N4BP2: variants seen among roughly 807,000 people sequenced by gnomAD.
N4BP2 encodes NEDD4-binding protein 2.
N4BP2 carries 91 observed loss-of-function variants against 152.8 expected under a neutral mutation model. The observed-to-expected ratio is 0.60, with a 90% confidence interval of 0.50 to 0.71. N4BP2 has a LOEUF of 0.71. Among genes scored for constraint, N4BP2 ranks in the 30% least tolerant of loss-of-function variants. The probability of loss-of-function intolerance (pLI) is 0.00; values close to 1 mark genes in which losing one functional copy is unlikely to be tolerated. For synonymous variants in N4BP2, 646 were observed against 705.3 expected (o/e 0.92, Z 1.33); for missense variants, 1,923 against 2,059.1 (o/e 0.93, Z 1.28).
chr4:40,174,895 T>TAAA, the N4BP2 span, among the ~76,000 whole-genome samples: 7 of 133,572 alleles, frequency 5.2e-5, no homozygotes, highest in African/African-American at 1.9e-4. Context: ...TTATTCAGCC[T>TAAA]AAAAAAAAAA....
intron 4 of N4BP2, among the ~76,000 whole-genome samples, chr4:40,104,150 C>T (rs1716004887): frequency 6.6e-6 from 1 of 152,006 alleles, no homozygotes; most frequent in African/African-American, 2.4e-5. Flanking sequence ...GACGGGGTTT[C>T]ACCGTGTTAG....
chr4:40,082,946 T>G (rs551992659), intron 2 of N4BP2: 1 of 191,580 alleles, frequency 5.2e-6, no homozygotes, highest in Non-Finnish European at 1.1e-5. Context: ...GTGATCTGCC[T>G]GCCTCAGCCT....
downstream of N4BP2, among the ~76,000 whole-genome samples, chr4:40,159,895 A>G (rs1721810067): frequency 6.6e-6 from 1 of 151,536 alleles, no homozygotes; most frequent in Non-Finnish European, 1.5e-5. Flanking sequence ...TTTTTTTGAG[A>G]TGGATTCTCA....
intron 16 of N4BP2, among the ~76,000 whole-genome samples, chr4:40,147,509 C>G (rs1388899808): frequency 6.7e-6 from 1 of 149,708 alleles, no homozygotes; most frequent in African/African-American, 2.5e-5. Context: ...GCGCCCCCCA[C>G]CTCCCGGACG....
intron 1 of N4BP2, among the ~76,000 whole-genome samples, chr4:40,057,813 T>G (rs1733334280): frequency 6.6e-6 from 1 of 152,044 alleles, no homozygotes; most frequent in Non-Finnish European, 1.5e-5. Flanking sequence ...AGTAATAGAA[T>G]GTAGATGACA....
chr4:40,122,759 C>T (rs1056606455), intron 9 of N4BP2, among the ~76,000 whole-genome samples: 4 of 152,124 alleles, frequency 2.6e-5, no homozygotes, highest in African/African-American at 7.2e-5. Context: ...CTTAATTGTA[C>T]GGATGAACCT....
intron 11 of N4BP2, 27 bp downstream of exon 11, chr4:40,124,232 G>A: frequency 6.4e-7 from 1 of 1,561,674 alleles, no homozygotes; most frequent in Non-Finnish European, 8.8e-7. Flanking sequence ...TATTTCTAAT[G>A]TCTTAATGTT....
At chr4:40,077,002 C>G (rs181854848) in intron 2 of N4BP2, among the ~76,000 whole-genome samples, 1 of 152,044 alleles carries the variant, frequency 6.6e-6, no homozygotes, top group East Asian at 1.9e-4. Flanking sequence ...TGTAACTTCC[C>G]TATATATTAC....
intron 14 of N4BP2, among the ~76,000 whole-genome samples, chr4:40,140,571 C>T (rs1719824719): frequency 6.6e-6 from 1 of 151,490 alleles, no homozygotes; most frequent in South Asian, 2.1e-4. Context: ...ATTATTTTTG[C>T]ACTTATTCTC....
At chr4:40,183,170 G>A in the N4BP2 span, among the ~76,000 whole-genome samples, 6,365 of 152,018 alleles carry the variant, frequency 0.042, 441 homozygotes, top group African/African-American at 0.14. Context: ...CTTTTTGCAC[G>A]TAACCTTGTA....
At chr4:40,106,843 TAGG>T in intron 4 of N4BP2, 54 bp from the exon 5 acceptor site, 2 of 1,518,030 alleles carry the variant, frequency 1.3e-6, no homozygotes, top group Non-Finnish European at 1.8e-6. Flanking sequence ...TTGGAAAAAT[TAGG>T]AGAGAAAATT....
rs1221314746 is a variant in N4BP2, at chr4:40,092,008, TTATATATATATA to T, written c.-114-5192_-114-5181del. 4.5e-3 allele frequency among the ~76,000 whole-genome samples: 122 copies of T among 27,196 alleles called. 1 individual carries two copies. Among genetic ancestry groups the T allele is most frequent in the South Asian group, 0.011 (5 of 454 alleles). 17.8% of individuals were successfully genotyped at this position (27,196 alleles called of 152,430 possible). Reference sequence around the variant, plus strand: ...AAAAAAAAAAAAAAAAAAAAAAAAATTATATATATATATATATATATATATATATATATATAT... The same window carrying T: ...AAAAAAAAAAAAAAAAAAAAAAAAATTATATATATATATATATATATATAT... On this transcript the variant is annotated intron_variant, in intron 2 of 17. Coordinates refer to ENST00000261435, the MANE Select transcript of N4BP2 (RefSeq NM_018177.6).
chr4:40,117,339 A>G (rs578115751), intron 7 of N4BP2, among the ~76,000 whole-genome samples: 4 of 152,304 alleles, frequency 2.6e-5, no homozygotes, highest in Admixed American at 1.3e-4. Context: ...GATTTGCCCA[A>G]CTGGCAAATG....
In N4BP2 at chr4:40,123,435, G is replaced by A. The variant is rs568838169; in HGVS notation, c.4284+223G>A. Among the ~76,000 whole-genome samples, 5 of 152,096 alleles carry A rather than the reference G, an allele frequency of 3.3e-5. No homozygotes were observed. The East Asian group carries it at 9.7e-4, about 29-fold the overall frequency. On this transcript the variant is annotated intron_variant, in intron 10 of 17. Coordinates refer to ENST00000261435, the MANE Select transcript of N4BP2 (RefSeq NM_018177.6). ...TCAGTAGTTTAAGTATTTCCAGACA[G>A]CCAAATTATATAATTAGCGATGGAG...
At chr4:40,151,791 G>T (rs1721176092) in intron 16 of N4BP2, among the ~76,000 whole-genome samples, 1 of 152,182 alleles carries the variant, frequency 6.6e-6, no homozygotes, top group Admixed American at 6.5e-5. Flanking sequence ...GGAGATCATA[G>T]ACAAGGAATT....
chr4:40,067,054 C>CTTTTTTT (rs34768159), intron 1 of N4BP2, among the ~76,000 whole-genome samples: 2 of 91,620 alleles, frequency 2.2e-5, no homozygotes, highest in African/African-American at 4.2e-5. Flanking sequence ...ACCTAATTTC[C>CTTTTTTT]TTTTTTTTTT....
intron 2 of N4BP2, among the ~76,000 whole-genome samples, chr4:40,092,009 T>TAAA (rs1560584824): frequency 1.4e-3 from 20 of 14,806 alleles, no homozygotes; most frequent in African/African-American, 3.1e-3. Context: ...AAAAAAAAAT[T>TAAA]ATATATATAT....
rs1273360852 is a variant in N4BP2, at chr4:40,113,513, A to G, written c.1664+5A>G. On this transcript the variant is annotated splice_donor_5th_base_variant and intron_variant, in intron 7 of 17. Coordinates refer to ENST00000261435, the MANE Select transcript of N4BP2 (RefSeq NM_018177.6). The stretch of plus-strand genomic sequence containing the variant: ...TAAACCAAAGGAACTTGCAAGGTAA[A>G]ACTTGGAGGCTACCTAACATGCTTT... 6.2e-7 allele frequency: 1 copy of G among 1,605,798 alleles called. No individual in the cohort carries two copies. Among genetic ancestry groups the G allele is most frequent in the East Asian group, 2.2e-5 (1 of 44,748 alleles).
At chr4:40,113,774 T>C (rs1717112406) in intron 7 of N4BP2, among the ~76,000 whole-genome samples, 1 of 152,180 alleles carries the variant, frequency 6.6e-6, no homozygotes, top group Non-Finnish European at 1.5e-5. Context: ...TATTTAAATA[T>C]AGAGACAGGG....
Sources: gnomAD v4.1 joint callset for allele counts (sites outside exome capture counted in the v4.1 genomes callset) on GRCh38, gnomAD v4.1.1 for gene constraint, MANE v1.5 for transcripts, NCBI Gene and HGNC (gene_info 2026-07-23, HGNC 2026-07-21) for gene names.